The following THEMIS2 variants were observed in gnomAD, a reference collection of about 807,000 sequenced individuals.
The protein encoded by THEMIS2 is thymocyte selection associated family member 2.
A neutral mutation model predicts 46.8 loss-of-function variants in THEMIS2; 29 were observed. The observed-to-expected ratio is 0.62, with a 90% CI of 0.46 to 0.84. THEMIS2 has a LOEUF of 0.84. THEMIS2 is among the 40% of genes least tolerant of loss of function. The pLI is 0.00. For synonymous variants in THEMIS2, 335 were observed against 349.1 expected, an observed-to-expected ratio of 0.96 and a Z score of 0.45; for missense variants, 698 against 834.7, an observed-to-expected ratio of 0.84 and a Z score of 2.02.
chr1:27,885,783 C>A, intron 5 of THEMIS2, 84 bp from the exon 6 acceptor site: 3 of 1,385,156 alleles, frequency 2.2e-6, no homozygotes, highest in South Asian at 1.2e-5. Flanking sequence ...ACCTCTTTCC[C>A]TGCACAGATG....
At position 27,880,047 on chromosome 1, in the gene THEMIS2, C is replaced by A; in HGVS notation, c.639C>A (p.Ile213=). Residue 213 remains isoleucine (I), a synonymous_variant, in exon 3 of 6, where the codon ATC becomes ATA. Transcript: ENST00000373921. ...GGCCCCAGTATGAGATCCAAGCCAT[C>A]ATGCACAGTGAGTTGCCTGGGCAGA... ...ILRPQYEIQA[I]MHMRRTIVKI... 1 of 1,595,668 alleles carries A rather than the reference C, an allele frequency of 6.3e-7. No individual in the cohort carries two copies. The highest frequency in any genetic ancestry group is 8.6e-7 in the Non-Finnish European group (1 of 1,165,876).
At chr1:27,874,559 A>G (rs552706621) in intron 1 of THEMIS2, among the ~76,000 whole-genome samples, 51 of 151,820 alleles carry the variant, frequency 3.4e-4, no homozygotes, top group Non-Finnish European at 6.0e-4. Flanking sequence ...AGGCAGGAGG[A>G]TCACTTGAAC....
chr1:27,886,092 T>G lies in THEMIS2; in HGVS notation c.*170T>G. 1.6e-6 allele frequency: 1 copy of G among 630,810 alleles called. No individual in the cohort carries two copies. The highest frequency in any genetic ancestry group is 2.8e-6 in the Non-Finnish European group (1 of 361,568). The allele number at this position is 630,810 out of a possible 1,614,324, so 39.1% of individuals were successfully genotyped here. ...GGACACTGCACCAGCTTCCTTCAGG[T>G]TCTAGATTCTTGCTACTTAGGGCGG... On this transcript the variant is annotated 3_prime_UTR_variant, in exon 6 of 6. Coordinates refer to ENST00000373921, the MANE Select transcript of THEMIS2 (RefSeq NM_001105556.3).
rs2089688576 is a variant in THEMIS2 at position 27,882,050 on chromosome 1, C to T, written c.726C>T (p.His242=). 1 of 1,614,186 alleles carries T rather than the reference C, an allele frequency of 6.2e-7. No homozygotes were observed. Among genetic ancestry groups the T allele is most frequent in the Admixed American group, 1.7e-5 (1 of 60,030 alleles). ...TCACCGCCTCCTCCCGGCACGTCCA[C>T]TTTATCAAACCGCTGCTGCTGAGCG... The part of the protein sequence containing the change: ...EDVTASSRHV[H]FIKPLLLSEV... Residue 242 remains histidine (H), a synonymous_variant, in exon 4 of 6, where the codon CAC becomes CAT. Coordinates refer to ENST00000373921, the MANE Select transcript of THEMIS2 (RefSeq NM_001105556.3). This position sits in a 1 kb window ranked among gnomAD's most constrained non-coding sequence, Gnocchi z 7.6.
chr1:27,877,108 A>G (rs2089595559), intron 2 of THEMIS2, among the ~76,000 whole-genome samples: 1 of 152,124 alleles, frequency 6.6e-6, no homozygotes, highest in Non-Finnish European at 1.5e-5. Context: ...CACCCTCTCC[A>G]GTGGGGAGCT....
At chr1:27,884,439 G>A (rs921994090) in intron 4 of THEMIS2, 1 of 152,306 alleles carries the variant, frequency 6.6e-6, no homozygotes, top group Non-Finnish European at 1.5e-5. Flanking sequence ...AGTGGTCTCA[G>A]CCCCAGCAGG....
At chr1:27,883,113 C>T (rs1266176718) in intron 4 of THEMIS2, 70 bp downstream of exon 4, 1 of 1,340,092 alleles carries the variant, frequency 7.5e-7, no homozygotes, top group Non-Finnish European at 1.0e-6. Flanking sequence ...TCATGTCTGC[C>T]TGTCATGTTT....
At chr1:27,874,003 CTG>C (rs2089533558) in intron 1 of THEMIS2, among the ~76,000 whole-genome samples, 1 of 144,154 alleles carries the variant, frequency 6.9e-6, no homozygotes, top group African/African-American at 2.6e-5. Context: ...AGCACTGGCT[CTG>C]GAGGCAAACA....
intron 2 of THEMIS2, 103 bp from the exon 3 acceptor site, chr1:27,879,541 G>A (rs1254006244): frequency 1.3e-5 from 14 of 1,044,498 alleles, no homozygotes; most frequent in Non-Finnish European, 2.0e-5. Context: ...GGGGGATTCT[G>A]GCTGGGTCAT....
intron 4 of THEMIS2, chr1:27,883,318 A>G: frequency 2.2e-6 from 1 of 446,238 alleles, no homozygotes; most frequent in Non-Finnish European, 4.0e-6. Context: ...GGCCATGGAC[A>G]GTCTAACTCC....
chr1:27,886,150 C>G lies in THEMIS2; in HGVS notation c.*228C>G. 1.8e-6 allele frequency: 1 copy of G among 548,474 alleles called. No homozygotes were observed. Among genetic ancestry groups the G allele is most frequent in the Non-Finnish European group, 3.3e-6 (1 of 306,262 alleles). The allele number at this position is 548,474 out of a possible 1,614,324, so 34.0% of individuals were successfully genotyped here. A position where few individuals can be genotyped will look rare whatever the true frequency, so the allele number is the denominator to read the frequency against. On this transcript the variant is annotated 3_prime_UTR_variant, in exon 6 of 6. Transcript: ENST00000373921. ...TGGACCTAACATCTCGCACGTGACT[C>G]CCTCAGCCTCAGAGCCTTGGGATGC...
intron 2 of THEMIS2, among the ~76,000 whole-genome samples, chr1:27,877,622 C>T (rs544070115): frequency 5.3e-5 from 8 of 152,188 alleles, no homozygotes; most frequent in East Asian, 2.0e-4. Context: ...CCACCATGCC[C>T]GGCCAGAGCT....
chr1:27,882,948 T>C lies in THEMIS2; in HGVS notation c.1624T>C (p.Leu542=). The part of the protein sequence containing the change: ...TDTFYYRLRK[L]PACEIQAPPP... ...CACCTTCTATTATCGTCTTCGGAAG[T>C]TACCAGCCTGTGAGATCCAAGCCCC... The change falls in exon 4 of 6, where the codon TTA becomes CTA. Residue 542 remains leucine, a synonymous_variant. Coordinates refer to ENST00000373921, the MANE Select transcript of THEMIS2 (RefSeq NM_001105556.3). This position sits in a 1 kb window ranked among gnomAD's most constrained non-coding sequence, Gnocchi z 7.6. 3.7e-6 allele frequency: 6 copies of C among 1,613,794 alleles called. No individual in the cohort carries two copies. In the South Asian group the frequency reaches 5.5e-5, roughly 15 times the overall value.
rs912132829 is a variant in THEMIS2 at position 27,886,051 on chromosome 1, T to C, written c.*129T>C. ...GAGCTGCAGACGGGGAGTAGCTTTG[T>C]GGAAACTGATTTGATGGACACTGCA... On this transcript the variant is annotated 3_prime_UTR_variant, in exon 6 of 6. Coordinates refer to ENST00000373921, the MANE Select transcript of THEMIS2 (RefSeq NM_001105556.3). The C allele has an allele frequency of 3.4e-5, 28 of 812,516 alleles. No individual in the cohort carries two copies. In the African/African-American group the frequency reaches 4.7e-4, roughly 14 times the overall value. 50.3% of individuals were successfully genotyped at this position (812,516 alleles called of 1,614,324 possible).
chr1:27,885,214 CTT>C (rs2089748377), intron 4 of THEMIS2, 79 bp from the exon 5 acceptor site: 1 of 1,472,192 alleles, frequency 6.8e-7, no homozygotes, highest in African/African-American at 1.4e-5. Flanking sequence ...GGAAGTGACA[CTT>C]AACGTGAATG....
At chr1:27,883,072 G>T (rs1352821083) in intron 4 of THEMIS2, 29 bp downstream of exon 4, 4 of 1,571,896 alleles carry the variant, frequency 2.5e-6, no homozygotes, top group Non-Finnish European at 3.5e-6. Flanking sequence ...AGGGCACGGA[G>T]GGGTCACCTA....
chr1:27,882,674 AC>A lies in THEMIS2; in HGVS notation c.1351del (p.Leu451CysfsTer19). The A allele has an allele frequency of 6.2e-7, 1 of 1,613,960 alleles. No homozygotes were observed. On this transcript the variant is annotated frameshift_variant, in exon 4 of 6. Coordinates refer to ENST00000373921, the MANE Select transcript of THEMIS2 (RefSeq NM_001105556.3). LOFTEE classifies it high-confidence loss of function. The surrounding 1 kb of genome is among the most constrained non-coding windows in gnomAD (Gnocchi z 7.6). ...TGGCAGATCTGACTGCCCAGTTTTC[AC>A]TGCCTTGTGAGGTCAAGGTGGTGGC... ...SLADLTAQFS[L>X]PCEVKVVAKD...
rs1473953265 is a variant in THEMIS2, at chr1:27,872,565, G to C, written c.-7G>C. Reference sequence around the variant, plus strand: ...CCTCAGTCTGAGCCCAGAGAGCCGCGGGGACCATGGAGCCGGTGCCGCTGC... The same window carrying C: ...CCTCAGTCTGAGCCCAGAGAGCCGCCGGGACCATGGAGCCGGTGCCGCTGC... On this transcript the variant is annotated 5_prime_UTR_variant, in exon 1 of 6. Transcript: ENST00000373921. The surrounding 1 kb of genome is among the most constrained non-coding windows in gnomAD (Gnocchi z 4.9). 5 of 1,485,536 alleles carry C rather than the reference G, an allele frequency of 3.4e-6. No individual in the cohort carries two copies. The highest frequency in any genetic ancestry group is 1.9e-4 in the Middle Eastern group (1 of 5,364). The allele number at this position is 1,485,536 out of a possible 1,614,324, so 92.0% of individuals were successfully genotyped here.
In THEMIS2 at chr1:27,879,995, C is replaced by T. The variant is rs767334851; in HGVS notation, c.587C>T (p.Thr196Ile). ...ALKDLVLTCPTLPWHSLILRP... is the reference protein window; with the variant it reads ...ALKDLVLTCPILPWHSLILRP... ...AAAGACCTCGTCCTCACCTGCCCCA[C>T]CCTGCCCTGGCATTCCCTGATCCTG... The change falls in exon 3 of 6, where the codon ACC (threonine) becomes ATC (isoleucine). Residue 196 changes from threonine to isoleucine, a missense_variant. Coordinates refer to ENST00000373921, the MANE Select transcript of THEMIS2 (RefSeq NM_001105556.3). The T allele has an allele frequency of 2.5e-6, 4 of 1,612,786 alleles. No individual in the cohort carries two copies. Among genetic ancestry groups the T allele is most frequent in the Non-Finnish European group, 3.4e-6 (4 of 1,179,080 alleles).
Sources: gnomAD v4.1 joint callset for allele counts (sites outside exome capture counted in the v4.1 genomes callset) on GRCh38, gnomAD v4.1.1 for gene constraint, Gnocchi (gnomAD v3.1) non-coding constraint, MANE v1.5 for transcripts, NCBI Gene and HGNC (gene_info 2026-07-23, HGNC 2026-07-21) for gene names.